The following MYH15 variants were observed in gnomAD, a reference collection of about 807,000 sequenced individuals.
MYH15 encodes the protein myosin-15.
In MYH15, 227 loss-of-function variants were observed where a neutral mutation model predicts 240.5. That is an observed-to-expected ratio of 0.94 (90% CI 0.85 to 1.05). The LOEUF (loss-of-function observed/expected upper bound fraction) is 1.05. Among genes scored for constraint, MYH15 ranks in the 50% least tolerant of loss-of-function variants. The probability of loss-of-function intolerance (pLI) is 0.00; values close to 1 mark genes in which losing one functional copy is unlikely to be tolerated. For missense variants in MYH15, 2,217 were observed against 2,247.5 expected, an observed-to-expected ratio of 0.99 and a Z score of 0.27; for synonymous variants, 785 against 796.7, an observed-to-expected ratio of 0.99 and a Z score of 0.25.
At chr3:108,538,021 G>C in the MYH15 span, among the ~76,000 whole-genome samples, 1 of 152,104 alleles carries the variant, frequency 6.6e-6, no homozygotes, top group Non-Finnish European at 1.5e-5. Context: ...GATCCAAACT[G>C]TCATTTCTGA....
intron 37 of MYH15, among the ~76,000 whole-genome samples, chr3:108,390,503 C>T (rs186056639): frequency 4.7e-4 from 72 of 152,112 alleles, no homozygotes; most frequent in Admixed American, 1.3e-3. Flanking sequence ...ACCTATATGC[C>T]GTTTCTCTTA....
At chr3:108,534,304 T>G (rs1559680161), upstream of MYH15, among the ~76,000 whole-genome samples, 1 of 152,162 alleles carries the variant, frequency 6.6e-6, no homozygotes, top group African/African-American at 2.4e-5. Flanking sequence ...AATAGAAAAT[T>G]AGACCAGCCT....
Position 108,444,709 on chromosome 3 carries a change from C to G in MYH15, c.2586G>C (p.Arg862Ser), listed in dbSNP as rs765793229. ...ATACTTGCTTTGCTTTCAGTTCCTCCCTCTGAAACTCTGATTTCTCCAAGG... is the reference window on the plus strand; with the variant it reads ...ATACTTGCTTTGCTTTCAGTTCCTCGCTCTGAAACTCTGATTTCTCCAAGG... ...QKALEKSEFQ[R>S]EELKAKQVSL... The change falls in exon 22 of 41, where the codon AGG becomes AGC. Residue 862 changes from arginine to serine, a missense_variant. Physicochemically the swap from Arg to Ser is moderately radical, Grantham distance 110. Transcript: ENST00000693548. The G allele has an allele frequency of 2.5e-6, 4 of 1,613,826 alleles. No individual in the cohort carries two copies. Among genetic ancestry groups the G allele is most frequent in the Non-Finnish European group, 3.4e-6 (4 of 1,179,932 alleles).
At chr3:108,439,943 A>G (rs1576234817) in intron 23 of MYH15, 30 bp from the exon 24 acceptor site, 2 of 1,518,410 alleles carry the variant, frequency 1.3e-6, no homozygotes, top group East Asian at 4.7e-5. Context: ...GCTTCATTAA[A>G]GCCACTGCTG....
chr3:108,532,561 T>C (rs1447423204), upstream of MYH15, among the ~76,000 whole-genome samples: 1 of 152,220 alleles, frequency 6.6e-6, no homozygotes, highest in East Asian at 1.9e-4. Flanking sequence ...TGACTGAAGA[T>C]ATTGGGACTT....
chr3:108,381,596 C>T, intron 40 of MYH15, 37 bp from the exon 41 acceptor site: 6 of 1,611,520 alleles, frequency 3.7e-6, no homozygotes, highest in Non-Finnish European at 5.1e-6. Flanking sequence ...TGTGAATTTC[C>T]TGTGATTTTC....
At chr3:108,508,715 A>C (rs940510694) in intron 1 of MYH15, among the ~76,000 whole-genome samples, 1 of 152,180 alleles carries the variant, frequency 6.6e-6, no homozygotes, top group Non-Finnish European at 1.5e-5. Context: ...ATATTGATTA[A>C]AACAGGGGTA....
intron 23 of MYH15, 137 bp from the exon 24 acceptor site, chr3:108,440,050 C>T (rs2082873187): frequency 1.6e-6 from 1 of 628,814 alleles, no homozygotes; most frequent in Non-Finnish European, 2.5e-6. Flanking sequence ...TAGCCAAATT[C>T]CTGATACGCT....
intron 26 of MYH15, 63 bp from the exon 27 acceptor site, chr3:108,428,944 T>A: frequency 6.8e-7 from 1 of 1,464,728 alleles, no homozygotes; most frequent in Non-Finnish European, 9.2e-7. Context: ...ACTCTATTTT[T>A]TTTTAATCAC....
intron 1 of MYH15, among the ~76,000 whole-genome samples, chr3:108,524,622 T>C (rs767888567): frequency 6.6e-6 from 1 of 152,116 alleles, no homozygotes; most frequent in Non-Finnish European, 1.5e-5. Context: ...AACAGTTATA[T>C]TTAGTCAGTA....
intron 37 of MYH15, among the ~76,000 whole-genome samples, chr3:108,390,624 A>T (rs541340552): frequency 3.9e-5 from 6 of 152,214 alleles, no homozygotes; most frequent in South Asian, 2.1e-4. Context: ...TTCTTTTGTT[A>T]TTTTGTCCTT....
At chr3:108,468,230 T>C (rs1161389493) in intron 14 of MYH15, among the ~76,000 whole-genome samples, 7 of 152,260 alleles carry the variant, frequency 4.6e-5, no homozygotes, top group Admixed American at 4.6e-4. Context: ...CCTCCCAAAG[T>C]GCTGGGATTA....
At chr3:108,501,237 G>A (rs181903712) in intron 3 of MYH15, among the ~76,000 whole-genome samples, 115 of 152,290 alleles carry the variant, frequency 7.6e-4, no homozygotes, top group African/African-American at 2.6e-3. Context: ...TAGGTTTTGA[G>A]TAAGTCAAAG....
chr3:108,384,635 A>G, intron 39 of MYH15, 52 bp downstream of exon 39: 1 of 1,531,058 alleles, frequency 6.5e-7, no homozygotes, highest in South Asian at 1.1e-5. Flanking sequence ...ATCTCCCTTA[A>G]TCAAAACAAC....
chr3:108,410,160 CAATA>C (rs2082576950), intron 31 of MYH15, among the ~76,000 whole-genome samples: 1 of 151,974 alleles, frequency 6.6e-6, no homozygotes, highest in Non-Finnish European at 1.5e-5. Flanking sequence ...GAAAATTTAA[CAATA>C]AATAGTTAAA....
intron 9 of MYH15, among the ~76,000 whole-genome samples, chr3:108,491,552 A>T (rs2083348454): frequency 2.0e-5 from 3 of 151,800 alleles, no homozygotes; most frequent in Admixed American, 2.0e-4. Flanking sequence ...CCATTCTCAG[A>T]CACTCTCTTA....
chr3:108,464,438 G>C (rs1239502279), intron 15 of MYH15, among the ~76,000 whole-genome samples, 200 bp downstream of exon 15: 1 of 152,166 alleles, frequency 6.6e-6, no homozygotes, highest in Non-Finnish European at 1.5e-5. Context: ...GGAGATTTTT[G>C]ACCTCTGTGC....
At position 108,454,125 on chromosome 3, in the gene MYH15, C is replaced by G. The variant is rs2082999617; in HGVS notation, c.2280G>C (p.Gly760=). The part of the protein sequence containing the change: ...FGITKVFFKA[G]FLGQLEAIRD... ...TTATTGCTTCCAGTTGGCCCAGAAA[C>G]CCAGCTTTAAAAAACACCTAAAGGA... Residue 760 remains glycine (G), a synonymous_variant, in exon 21 of 41, where the codon GGG becomes GGC. Transcript: ENST00000693548. The G allele has an allele frequency of 6.2e-7, 1 of 1,609,112 alleles. No individual in the cohort carries two copies. The highest frequency in any genetic ancestry group is 8.5e-7 in the Non-Finnish European group (1 of 1,176,792).
At chr3:108,502,005 G>GA (rs1322251324) in intron 2 of MYH15, 150 bp from the exon 3 acceptor site, 27 of 793,610 alleles carry the variant, frequency 3.4e-5, no homozygotes, top group African/African-American at 5.2e-5. Context: ...AGCCTTCATG[G>GA]AAAAAAACAG....
Sources: allele counts gnomAD v4.1 joint callset (sites outside exome capture counted in the v4.1 genomes callset), GRCh38; gene constraint gnomAD v4.1.1; transcripts MANE v1.5; gene names NCBI Gene and HGNC (gene_info 2026-07-23, HGNC 2026-07-21).